MTFR2: variants seen among roughly 807,000 people sequenced by gnomAD.
MTFR2 encodes the protein DUF729 domain-containing protein 1.
In MTFR2, 44 loss-of-function variants were observed where a neutral mutation model predicts 41.2. The ratio of observed to expected loss-of-function variants is 1.07; its 90% CI spans 0.84 to 1.37. The LOEUF (loss-of-function observed/expected upper bound fraction) is 1.37. Among genes scored for constraint, MTFR2 ranks in the 40% most tolerant of loss-of-function variants. MTFR2 has a pLI of 0.00. For missense variants in MTFR2, 452 were observed against 459.5 expected (o/e 0.98, Z 0.15); for synonymous variants, 141 against 154.6 (o/e 0.91, Z 0.65).
At chr6:136,249,938 C>T (rs1780321076) in intron 1 of MTFR2, 38 bp downstream of exon 1, 1 of 152,198 alleles carries the variant, frequency 6.6e-6, no homozygotes, top group Non-Finnish European at 1.5e-5. Flanking sequence ...CACAAGCTTC[C>T]TGGTGCTCTC....
At chr6:136,231,501 C>A in intron 7 of MTFR2, 113 bp from the exon 8 acceptor site, 1 of 655,804 alleles carries the variant, frequency 1.5e-6, no homozygotes, top group Non-Finnish European at 2.6e-6. Flanking sequence ...TATTTATTTA[C>A]CGTATTTATT....
Position 136,239,752 on chromosome 6 carries a change from T to A in MTFR2, c.583A>T (p.Ser195Cys). 6.2e-7 allele frequency: 1 copy of A among 1,614,034 alleles called. No individual in the cohort carries two copies. Among genetic ancestry groups the A allele is most frequent in the Non-Finnish European group, 8.5e-7 (1 of 1,179,998 alleles). Reference protein sequence around the residue: ...QLSSSRAAHLSVDPDQLPGSV... With the variant: ...QLSSSRAAHLCVDPDQLPGSV... Reference sequence around the variant, plus strand: ...CCTGGAAGCTGATCTGGGTCCACACTCAGATGGGCAGCCCGCGATGATGAC... The same window carrying A: ...CCTGGAAGCTGATCTGGGTCCACACACAGATGGGCAGCCCGCGATGATGAC... The change falls in exon 6 of 8, where the codon AGT becomes TGT. Residue 195 changes from serine to cysteine, a missense_variant. Physicochemically the swap from Ser to Cys is moderately radical, Grantham distance 112. Transcript: ENST00000420702.
At chr6:136,238,878 G>T (rs919853392) in intron 6 of MTFR2, among the ~76,000 whole-genome samples, 5 of 152,064 alleles carry the variant, frequency 3.3e-5, no homozygotes, top group Non-Finnish European at 5.9e-5. Flanking sequence ...ACCAGCCTGG[G>T]CAACATGGCG....
In MTFR2 at chr6:136,249,051, C is replaced by T. The variant is rs377681071; in HGVS notation, c.49G>A (p.Val17Ile). The T allele has an allele frequency of 4.2e-5, 67 of 1,599,238 alleles. No homozygotes were observed. Among genetic ancestry groups the T allele is most frequent in the South Asian group, 6.8e-5 (6 of 87,832 alleles). The change falls in exon 2 of 8, where the codon GTT (valine) becomes ATT (isoleucine). Residue 17 changes from valine (V) to isoleucine (I), a missense_variant. Physicochemically the swap from Val to Ile is conservative, Grantham distance 29. Coordinates refer to ENST00000420702, the MANE Select transcript of MTFR2 (RefSeq NM_001099286.3). Reference sequence around the variant, plus strand: ...ACGACATTTACCTGTTCTACAGGAACGCCAAAATATTCCAGCATCTCTCTT... The same window carrying T: ...ACGACATTTACCTGTTCTACAGGAATGCCAAAATATTCCAGCATCTCTCTT... ...ILREMLEYFG[V>I]PVEQVLLIWE...
intron 5 of MTFR2, among the ~76,000 whole-genome samples, chr6:136,240,110 A>C (rs901866468): frequency 2.6e-5 from 4 of 152,170 alleles, no homozygotes; most frequent in African/African-American, 9.7e-5. Context: ...ATTCACATAC[A>C]CTCTGAACTT....
intron 6 of MTFR2, among the ~76,000 whole-genome samples, chr6:136,238,375 G>A (rs9494491): frequency 5.3e-5 from 8 of 151,942 alleles, no homozygotes; most frequent in African/African-American, 1.2e-4. Flanking sequence ...TTGAGAGACC[G>A]AGGCAGGAGG....
intron 6 of MTFR2, among the ~76,000 whole-genome samples, chr6:136,237,767 G>T (rs2128457564): frequency 6.6e-6 from 1 of 151,674 alleles, no homozygotes; most frequent in African/African-American, 2.4e-5. Flanking sequence ...AGTGAGCCAA[G>T]ATCATGCCAC....
intron 4 of MTFR2, among the ~76,000 whole-genome samples, chr6:136,241,975 G>A (rs2128458592): frequency 6.6e-6 from 1 of 150,836 alleles, no homozygotes; most frequent in South Asian, 2.1e-4. Context: ...AGCTACTCAG[G>A]AGGCTGAGGC....
At chr6:136,240,152 A>G (rs1780017561) in intron 5 of MTFR2, among the ~76,000 whole-genome samples, 1 of 152,214 alleles carries the variant, frequency 6.6e-6, no homozygotes, top group Non-Finnish European at 1.5e-5. Context: ...TAAAACAGAA[A>G]TCAACAACTT....
At chr6:136,235,315 A>G (rs1349686204) in intron 6 of MTFR2, among the ~76,000 whole-genome samples, 2 of 124,124 alleles carry the variant, frequency 1.6e-5, no homozygotes, top group Non-Finnish European at 3.0e-5. Flanking sequence ...CCTGTTTTGG[A>G]CCTGTGAAAC....
chr6:136,249,595 C>A (rs1159337653), intron 1 of MTFR2, among the ~76,000 whole-genome samples: 1 of 152,140 alleles, frequency 6.6e-6, no homozygotes, highest in Non-Finnish European at 1.5e-5. Context: ...CATATCCTCA[C>A]GTGTCAAGGG....
At chr6:136,241,082 C>A (rs1462490884) in intron 5 of MTFR2, among the ~76,000 whole-genome samples, 1 of 145,146 alleles carries the variant, frequency 6.9e-6, no homozygotes, top group Non-Finnish European at 1.5e-5. Flanking sequence ...CAGAGCAAGA[C>A]TGCGTCTCAA....
intron 2 of MTFR2, chr6:136,247,652 G>T (rs1247156877): frequency 2.4e-6 from 1 of 423,172 alleles, no homozygotes; most frequent in East Asian, 7.0e-5. Flanking sequence ...TTCAAAAGAA[G>T]GTTGCTGATC....
intron 5 of MTFR2, among the ~76,000 whole-genome samples, chr6:136,241,016 G>A (rs888929794): frequency 2.7e-4 from 40 of 149,640 alleles, no homozygotes; most frequent in African/African-American, 9.2e-4. Flanking sequence ...GCGTGAACCC[G>A]GGAGGTGGAG....
intron 6 of MTFR2, among the ~76,000 whole-genome samples, chr6:136,238,678 CCACACACACA>C (rs60002962): frequency 1.4e-5 from 2 of 146,368 alleles, no homozygotes; most frequent in East Asian, 2.0e-4. Flanking sequence ...TGTTTTTTCA[CCACACACACA>C]CACACACACA....
At chr6:136,248,983 A>G in intron 2 of MTFR2, 54 bp downstream of exon 2, 1 of 1,499,316 alleles carries the variant, frequency 6.7e-7, no homozygotes, top group Non-Finnish European at 9.1e-7. Flanking sequence ...CATTTTCAAA[A>G]TGAAACCCAA....
intron 4 of MTFR2, 58 bp from the exon 5 acceptor site, chr6:136,241,734 A>T: frequency 3.1e-6 from 4 of 1,297,764 alleles, no homozygotes; most frequent in South Asian, 1.3e-5. Context: ...CAAAAGAGGT[A>T]TAAACTCTTA....
chr6:136,238,073 A>G (rs1779954694), intron 6 of MTFR2, among the ~76,000 whole-genome samples: 1 of 152,192 alleles, frequency 6.6e-6, no homozygotes, highest in South Asian at 2.1e-4. Context: ...TGATCCAGCA[A>G]TCCCACTTCT....
At chr6:136,241,422 CA>C in intron 5 of MTFR2, 21 bp downstream of exon 5, 1 of 1,588,400 alleles carries the variant, frequency 6.3e-7, no homozygotes. Context: ...CTAACTGAAA[CA>C]AAAATCCTAC....
Sources: allele counts gnomAD v4.1 joint callset (sites outside exome capture counted in the v4.1 genomes callset), GRCh38; gene constraint gnomAD v4.1.1; transcripts MANE v1.5; gene names NCBI Gene and HGNC (gene_info 2026-07-23, HGNC 2026-07-21).